STK11: variants seen among roughly 807,000 people sequenced by gnomAD.
The protein encoded by STK11 is serine/threonine-protein kinase STK11.
STK11 carries 8 observed loss-of-function variants against 47.3 expected under a neutral mutation model. The ratio of observed to expected loss-of-function variants is 0.17; its 90% CI spans 0.10 to 0.31. The LOEUF is 0.31. STK11 is among the 10% of genes least tolerant of loss of function. The pLI is 1.00. For synonymous variants in STK11, 330 were observed against 255.8 expected, an observed-to-expected ratio of 1.29 and a Z score of -2.77; for missense variants, 475 against 605.0, an observed-to-expected ratio of 0.79 and a Z score of 2.25.
At chr19:1,223,622 C>T (rs1487093116) in intron 8 of STK11, 4 of 1,066,924 alleles carry the variant, frequency 3.7e-6, no homozygotes, top group Non-Finnish European at 4.6e-6. Context: ...TGATGCCGGC[C>T]GCCCTTCTTC....
chr19:1,228,232 C>A lies in STK11; in HGVS notation c.*656C>A, dbSNP rs1461318471. On this transcript the variant is annotated 3_prime_UTR_variant, in exon 10 of 10. Transcript: ENST00000326873. ...GCCGGAGGGCAGGACCCTCACCTCT[C>A]CCCCAAGGCCACTGCGCTCTTGGGA... is the stretch of plus-strand genomic sequence containing the variant. 2.9e-6 allele frequency: 2 copies of A among 699,628 alleles called. No individual in the cohort carries two copies. The highest frequency in any genetic ancestry group is 6.8e-5 in the South Asian group (1 of 14,776). 43.3% of individuals were successfully genotyped at this position (699,628 alleles called of 1,614,324 possible).
chr19:1,217,246 T>C (rs531903106), intron 1 of STK11, among the ~76,000 whole-genome samples: 19 of 152,240 alleles, frequency 1.2e-4, no homozygotes, highest in Admixed American at 2.0e-4. Flanking sequence ...CAGGGTCTTA[T>C]TCTGTTGTCC....
intron 1 of STK11, chr19:1,216,535 A>G (rs1312195585): frequency 6.6e-6 from 1 of 151,840 alleles, no homozygotes; most frequent in Non-Finnish European, 1.5e-5. Flanking sequence ...AGCTGAGATC[A>G]TGCCATTGCA....
In STK11 at chr19:1,206,291, C is replaced by T; in HGVS notation, c.-623C>T. The T allele has an allele frequency of 4.5e-6, 1 of 221,714 alleles. No individual in the cohort carries two copies. Among genetic ancestry groups the T allele is most frequent in the East Asian group, 6.3e-5 (1 of 15,788 alleles). 13.7% of individuals were successfully genotyped at this position (221,714 alleles called of 1,614,324 possible). ...TCCCGGACGCCCCCAGCCCCCCGAA[C>T]GCTCGCCCGGGCCGGCGGGAGTCGG... On this transcript the variant is annotated 5_prime_UTR_variant, in exon 1 of 10. It adds an upstream start codon to the 5' untranslated region. Transcript: ENST00000326873.
In STK11 at chr19:1,227,732, G is replaced by A; in HGVS notation, c.*156G>A. ...ACCTCCGGAGCGCCCTGCAGGGCCG[G>A]GCAGGGGGACAGCAGGGACCGGGCG... On this transcript the variant is annotated 3_prime_UTR_variant, in exon 10 of 10. Coordinates refer to ENST00000326873, the MANE Select transcript of STK11 (RefSeq NM_000455.5). 1 of 1,072,022 alleles carries A rather than the reference G, an allele frequency of 9.3e-7. No individual in the cohort carries two copies. The highest frequency in any genetic ancestry group is 1.1e-6 in the Non-Finnish European group (1 of 883,486). The allele number at this position is 1,072,022 out of a possible 1,614,324, so 66.4% of individuals were successfully genotyped here.
intron 1 of STK11, among the ~76,000 whole-genome samples, chr19:1,208,987 G>A (rs926028972): frequency 1.3e-5 from 2 of 152,150 alleles, no homozygotes; most frequent in African/African-American, 4.8e-5. Context: ...TCTGAAGTTT[G>A]TACTCTGGAG....
chr19:1,227,479 A>G, intron 9 of STK11, 114 bp from the exon 10 acceptor site: 1 of 1,037,434 alleles, frequency 9.6e-7, no homozygotes, highest in Non-Finnish European at 1.2e-6. Flanking sequence ...GCTGCCCCCC[A>G]GGAGTCCGGT....
intron 8 of STK11, 200 bp from the exon 9 acceptor site, chr19:1,226,254 G>A (rs1364834402): frequency 1.3e-5 from 18 of 1,419,508 alleles, no homozygotes; most frequent in African/African-American, 2.9e-5. Context: ...GGCCATCTGC[G>A]GGAGGCTCAG....
At chr19:1,211,729 T>C (rs2080711970) in intron 1 of STK11, among the ~76,000 whole-genome samples, 1 of 152,200 alleles carries the variant, frequency 6.6e-6, no homozygotes, top group Admixed American at 6.5e-5. Context: ...CGGGCCCAGA[T>C]CCGGGCTGTG....
At chr19:1,219,752 A>C (rs1313305803) in intron 3 of STK11, among the ~76,000 whole-genome samples, 1 of 151,940 alleles carries the variant, frequency 6.6e-6, no homozygotes, top group African/African-American at 2.4e-5. Context: ...TCACCGTGTT[A>C]GCCAGGATGG....
intron 1 of STK11, among the ~76,000 whole-genome samples, chr19:1,212,049 G>C (rs2080714874): frequency 6.6e-6 from 1 of 152,232 alleles, no homozygotes; most frequent in African/African-American, 2.4e-5. Context: ...CAGGGGCTGG[G>C]CAGCCGCAGA....
chr19:1,211,735 C>G (rs925963596), intron 1 of STK11, among the ~76,000 whole-genome samples: 3 of 152,284 alleles, frequency 2.0e-5, no homozygotes, highest in Non-Finnish European at 4.4e-5. Context: ...CAGATCCGGG[C>G]TGTGGCTCTC....
chr19:1,211,802 G>A (rs545774614), intron 1 of STK11, among the ~76,000 whole-genome samples: 1 of 152,404 alleles, frequency 6.6e-6, no homozygotes, highest in East Asian at 1.9e-4. Context: ...GCGGCACTCA[G>A]TGTGCCTGGT....
At chr19:1,214,943 G>A (rs1226851865) in intron 1 of STK11, among the ~76,000 whole-genome samples, 1 of 152,212 alleles carries the variant, frequency 6.6e-6, no homozygotes, top group Non-Finnish European at 1.5e-5. Flanking sequence ...GGCCTCTGCT[G>A]TCTGAAAACA....
chr19:1,220,740 C>G (rs1361047910), intron 5 of STK11, 23 bp downstream of exon 5: 1 of 1,598,084 alleles, frequency 6.3e-7, no homozygotes, highest in African/African-American at 1.3e-5. Flanking sequence ...CCCCCCCGGG[C>G]ACTCACCACA....
At position 1,226,677 on chromosome 19, in the gene STK11, G is replaced by A. The variant is rs772576776; in HGVS notation, c.*16+14G>A. The A allele has an allele frequency of 1.7e-5, 25 of 1,479,454 alleles. No homozygotes were observed. The highest frequency in any genetic ancestry group is 2.2e-5 in the Non-Finnish European group (25 of 1,120,640). The allele number at this position is 1,479,454 out of a possible 1,614,324, so 91.6% of individuals were successfully genotyped here. A position where few individuals can be genotyped will look rare whatever the true frequency, so the allele number is the denominator to read the frequency against. ...GGCCGCCTGCAGGTGGGGCGCGGCG[G>A]GGCCCGGGTGGGGCATGTGGGGACA... On this transcript the variant is annotated intron_variant, in intron 9 of 9. Transcript: ENST00000326873.
At chr19:1,219,444 G>GCGGGGAC (rs2145422677) in intron 3 of STK11, 31 bp downstream of exon 3, 1 of 1,304,782 alleles carries the variant, frequency 7.7e-7, no homozygotes, top group Non-Finnish European at 1.1e-6. Context: ...CCAGGGTGGG[G>GCGGGGAC]CGGGGGCCGG....
rs1599934578 is a variant in STK11 at position 1,228,078 on chromosome 19, A to C, written c.*502A>C. The stretch of plus-strand genomic sequence containing the variant: ...TTTTTTCTTTTTTTTTTTAAGAAAA[A>C]ATAAAAGGTGGATTTGAGCTGTGGC... On this transcript the variant is annotated 3_prime_UTR_variant, in exon 10 of 10. Coordinates refer to ENST00000326873, the MANE Select transcript of STK11 (RefSeq NM_000455.5). The C allele has an allele frequency of 9.4e-7, 1 of 1,065,118 alleles. No individual in the cohort carries two copies. The highest frequency in any genetic ancestry group is 1.6e-5 in the African/African-American group (1 of 60,892). The allele number at this position is 1,065,118 out of a possible 1,614,324, so 66.0% of individuals were successfully genotyped here.
intron 1 of STK11, among the ~76,000 whole-genome samples, chr19:1,217,534 G>T (rs2145419271): frequency 6.6e-6 from 1 of 152,300 alleles, no homozygotes; most frequent in East Asian, 1.9e-4. Flanking sequence ...GGCCTGTTGT[G>T]CCCCACCCTT....
Sources: gnomAD v4.1 joint callset for allele counts (sites outside exome capture counted in the v4.1 genomes callset) on GRCh38, gnomAD v4.1.1 for gene constraint, MANE v1.5 for transcripts, NCBI Gene and HGNC (gene_info 2026-07-23, HGNC 2026-07-21) for gene names.